The following MAST3 variants were observed in gnomAD, a reference collection of about 807,000 sequenced individuals.
MAST3 encodes the protein microtubule associated serine/threonine kinase 3, also known as microtubule-associated serine/threonine-protein kinase 3.
MAST3 carries 43 observed loss-of-function variants against 127.0 expected under a neutral mutation model. The ratio of observed to expected loss-of-function variants is 0.34; its 90% confidence interval spans 0.27 to 0.44. The LOEUF is 0.44. Ranked by LOEUF, MAST3 falls within the 20% of genes least tolerant of loss-of-function variation. The pLI is 1.00. For missense variants in MAST3, 1,390 were observed against 1,919.1 expected (o/e 0.72, Z 5.15); for synonymous variants, 785 against 809.2 (o/e 0.97, Z 0.51).
intron 1 of MAST3, among the ~76,000 whole-genome samples, chr19:18,101,310 T>C (rs928979706): frequency 1.3e-5 from 2 of 151,984 alleles, no homozygotes; most frequent in African/African-American, 4.8e-5. Context: ...GTGATCCTGC[T>C]TTCTCATGGA....
chr19:18,101,278 C>T (rs1199996013), intron 1 of MAST3, among the ~76,000 whole-genome samples: 1 of 152,140 alleles, frequency 6.6e-6, no homozygotes, highest in Non-Finnish European at 1.5e-5. Context: ...TGGGGTGGCT[C>T]CTCTAGGTTC....
chr19:18,110,104 C>T lies in MAST3; in HGVS notation c.72-548C>T. 1.0e-6 allele frequency: 1 copy of T among 985,326 alleles called. No homozygotes were observed. Among genetic ancestry groups the T allele is most frequent in the African/African-American group, 1.7e-5 (1 of 57,342 alleles). 61.0% of individuals were successfully genotyped at this position (985,326 alleles called of 1,614,324 possible). On this transcript the variant is annotated intron_variant, in intron 2 of 27. Transcript: ENST00000687212. This position sits in a 1 kb window ranked among gnomAD's most constrained non-coding sequence, Gnocchi z 4.3. Reference sequence around the variant, plus strand: ...CGCGACCCTCGCTGCCGGGCCGGGCCTGCGCGCAGGTGCGGAGCTGCGATC... The same window carrying T: ...CGCGACCCTCGCTGCCGGGCCGGGCTTGCGCGCAGGTGCGGAGCTGCGATC...
chr19:18,105,298 C>A (rs902730739), intron 1 of MAST3, among the ~76,000 whole-genome samples: 4 of 152,032 alleles, frequency 2.6e-5, no homozygotes, highest in Admixed American at 6.6e-5. Context: ...ACCCGAGAGG[C>A]AGAGGTTTCA....
In MAST3 at chr19:18,110,617, G is replaced by A. The variant is rs2038487290; in HGVS notation, c.72-35G>A. Reference sequence around the variant, plus strand: ...GATTCGGCCACACGAAGGGGCGGCCGCCAGGTTCACCGTCCCCGGCCTCTT... The same window carrying A: ...GATTCGGCCACACGAAGGGGCGGCCACCAGGTTCACCGTCCCCGGCCTCTT... On this transcript the variant is annotated intron_variant, in intron 2 of 27. Transcript: ENST00000687212. The surrounding 1 kb of genome is among the most constrained non-coding windows in gnomAD (Gnocchi z 4.3). 1.0e-6 allele frequency: 1 copy of A among 966,472 alleles called. No individual in the cohort carries two copies. Among genetic ancestry groups the A allele is most frequent in the Non-Finnish European group, 1.2e-6 (1 of 812,308 alleles). 59.9% of individuals were successfully genotyped at this position (966,472 alleles called of 1,614,324 possible).
intron 18 of MAST3, 38 bp downstream of exon 18, chr19:18,135,879 T>G: frequency 6.6e-7 from 1 of 1,515,140 alleles, no homozygotes; most frequent in South Asian, 1.2e-5. Flanking sequence ...GGGTGGCTCC[T>G]TCAGGCCCTG....
At chr19:18,130,760 G>C in intron 14 of MAST3, 58 bp downstream of exon 14, 2 of 1,542,720 alleles carry the variant, frequency 1.3e-6, no homozygotes, top group Non-Finnish European at 1.8e-6. Flanking sequence ...CTCCACGCCT[G>C]GGAGAAAATT....
intron 20 of MAST3, among the ~76,000 whole-genome samples, 192 bp downstream of exon 20, chr19:18,139,316 G>A (rs1393242025): frequency 6.6e-6 from 1 of 150,970 alleles, no homozygotes; most frequent in Non-Finnish European, 1.5e-5. Context: ...GCTAGGAATT[G>A]TATTGGTTTT....
At position 18,149,415 on chromosome 19, in the gene MAST3, G is replaced by T; in HGVS notation, c.3733G>T (p.Gly1245Trp). The T allele has an allele frequency of 6.8e-7, 1 of 1,464,460 alleles. No individual in the cohort carries two copies. The highest frequency in any genetic ancestry group is 1.4e-5 in the South Asian group (1 of 73,200). The allele number at this position is 1,464,460 out of a possible 1,614,324, so 90.7% of individuals were successfully genotyped here. A position where few individuals can be genotyped will look rare whatever the true frequency, so the allele number is the denominator to read the frequency against. The stretch of plus-strand genomic sequence containing the variant: ...ACCCCGCTCGCCCTCGCCCCTGCCC[G>T]GGCACCCGCCCGCACCTGCCCGATC... The part of the protein sequence containing the change: ...PPPRSPSPLP[G>W]HPPAPARSPR... The change falls in exon 28 of 28, where the codon GGG becomes TGG. Residue 1245 changes from glycine (G) to tryptophan (W), a missense_variant. By Grantham distance (184) the Gly-to-Trp change is radical. Transcript: ENST00000687212. The surrounding 1 kb of genome is among the most constrained non-coding windows in gnomAD (Gnocchi z 5.9).
In MAST3 at chr19:18,146,205, G is replaced by A. The variant is rs774014120; in HGVS notation, c.3162+340G>A. 2.6e-5 allele frequency among the ~76,000 whole-genome samples: 4 copies of A among 152,168 alleles called. No homozygotes were observed. The South Asian group carries it at 8.3e-4, about 32-fold the overall frequency. On this transcript the variant is annotated intron_variant, in intron 25 of 27. Transcript: ENST00000687212. Reference sequence around the variant, plus strand: ...TGTAATCCCAGCACTTTGGGAGGCCGAGGCAGGATGATCACCTGAGCTCAG... The same window carrying A: ...TGTAATCCCAGCACTTTGGGAGGCCAAGGCAGGATGATCACCTGAGCTCAG...
At chr19:18,102,571 T>TC (rs1212895676) in intron 1 of MAST3, among the ~76,000 whole-genome samples, 124 of 143,936 alleles carry the variant, frequency 8.6e-4, no homozygotes, top group African/African-American at 3.1e-3. Flanking sequence ...AACCTCCGCC[T>TC]CCGGGGTTCA....
At chr19:18,114,194 T>TTC (rs1555794106) in intron 3 of MAST3, among the ~76,000 whole-genome samples, 1 of 146,776 alleles carries the variant, frequency 6.8e-6, no homozygotes, top group Non-Finnish European at 1.5e-5. Context: ...TTCTTTTTCT[T>TTC]TTTTTTTTTT....
intron 15 of MAST3, 42 bp downstream of exon 15, chr19:18,132,089 G>A: frequency 6.2e-7 from 1 of 1,608,594 alleles, no homozygotes; most frequent in South Asian, 1.1e-5. Context: ...GGAGGGCGGG[G>A]CCAGAGAGGA....
chr19:18,132,088 G>A (rs375864889), intron 15 of MAST3, 41 bp downstream of exon 15: 2 of 1,608,638 alleles, frequency 1.2e-6, no homozygotes, highest in Non-Finnish European at 1.7e-6. Flanking sequence ...CGGAGGGCGG[G>A]GCCAGAGAGG....
intron 3 of MAST3, among the ~76,000 whole-genome samples, chr19:18,114,809 T>C (rs2039035847): frequency 6.6e-6 from 1 of 152,178 alleles, no homozygotes; most frequent in East Asian, 1.9e-4. Flanking sequence ...ACTTTCCTTC[T>C]GGAGCCTCAA....
intron 5 of MAST3, 26 bp from the exon 6 acceptor site, chr19:18,122,647 C>T (rs2040136741): frequency 6.2e-7 from 1 of 1,602,722 alleles, no homozygotes; most frequent in Non-Finnish European, 8.5e-7. Flanking sequence ...GGCCTTCCTT[C>T]CATCTGTTCT....
Position 18,144,926 on chromosome 19 carries a change from G to A in MAST3, c.2813-77G>A, listed in dbSNP as rs2147812720. ...AAGCAACAGCAAAGTGGCCAGGGTGGTCGTTGTGGTGGGAAAGAGGGGGCC... is the reference window on the plus strand; with the variant it reads ...AAGCAACAGCAAAGTGGCCAGGGTGATCGTTGTGGTGGGAAAGAGGGGGCC... On this transcript the variant is annotated intron_variant, in intron 23 of 27. Transcript: ENST00000687212. The surrounding 1 kb of genome is among the most constrained non-coding windows in gnomAD (Gnocchi z 4.0). The A allele has an allele frequency of 1.1e-6, 1 of 910,140 alleles. No homozygotes were observed. Among genetic ancestry groups the A allele is most frequent in the East Asian group, 2.6e-5 (1 of 38,280 alleles). The allele number at this position is 910,140 out of a possible 1,614,324, so 56.4% of individuals were successfully genotyped here. A position where few individuals can be genotyped will look rare whatever the true frequency, so the allele number is the denominator to read the frequency against.
At chr19:18,139,880 C>T (rs1310336037) in intron 20 of MAST3, among the ~76,000 whole-genome samples, 2 of 141,664 alleles carry the variant, frequency 1.4e-5, no homozygotes, top group Non-Finnish European at 3.0e-5. Context: ...AGTGCAGTGG[C>T]GTGATCTCTG....
rs753937801 is a variant in MAST3, at chr19:18,117,198, CAG to C, written c.162-4484_162-4483del. ...ATGGGGGATGTTACGCATGGGGAAA[CAG>C]AGGCCTGGAAGTTAGCCTGATGCTA... On this transcript the variant is annotated intron_variant, in intron 3 of 27. Coordinates refer to ENST00000687212, the MANE Select transcript of MAST3 (RefSeq NM_001393504.1). Among the ~76,000 whole-genome samples the C allele has an allele frequency of 4.6e-5, 7 of 152,240 alleles. No individual in the cohort carries two copies. The East Asian group carries it at 1.2e-3, about 25-fold the overall frequency.
At chr19:18,129,044 C>T in intron 13 of MAST3, 93 bp downstream of exon 13, 3 of 1,062,930 alleles carry the variant, frequency 2.8e-6, no homozygotes, top group Admixed American at 1.8e-5. Context: ...CCTACCCCAG[C>T]AGGGCTCACA....
Sources: gnomAD v4.1 joint callset for allele counts (sites outside exome capture counted in the v4.1 genomes callset) on GRCh38, gnomAD v4.1.1 for gene constraint, Gnocchi (gnomAD v3.1) non-coding constraint, MANE v1.5 for transcripts, NCBI Gene and HGNC (gene_info 2026-07-23, HGNC 2026-07-21) for gene names.